DUSP22: variants seen among roughly 807,000 people sequenced by gnomAD.
DUSP22 encodes the protein dual specificity phosphatase 22, also known as dual specificity protein phosphatase 22.
A neutral mutation model predicts 24.5 loss-of-function variants in DUSP22; 24 were observed. The observed-to-expected ratio is 0.98, with a 90% CI of 0.71 to 1.38. The LOEUF is 1.38. Among genes scored for constraint, DUSP22 ranks in the 40% most tolerant of loss-of-function variants. The pLI is 0.00. For missense variants in DUSP22, 330 were observed against 269.2 expected (o/e 1.23, Z -1.58); for synonymous variants, 160 against 106.4 (o/e 1.50, Z -3.10).
At chr6:301,195 G>C (rs1259579686) in intron 1 of DUSP22, among the ~76,000 whole-genome samples, 26 of 152,274 alleles carry the variant, frequency 1.7e-4, no homozygotes, top group Non-Finnish European at 7.3e-5. Context: ...GGGTTTCAGA[G>C]ACTGGAAAAC....
chr6:329,449 G>A (rs922074914), intron 3 of DUSP22, among the ~76,000 whole-genome samples: 8 of 152,304 alleles, frequency 5.3e-5, no homozygotes, highest in Non-Finnish European at 7.3e-5. Flanking sequence ...AAATGGTTAC[G>A]ATGGTAAATC....
chr6:306,480 T>C (rs1190581095), intron 2 of DUSP22, among the ~76,000 whole-genome samples: 1 of 152,308 alleles, frequency 6.6e-6, no homozygotes, highest in Non-Finnish European at 1.5e-5. Flanking sequence ...TGTGGTTTCG[T>C]CTATGAGAGT....
intron 3 of DUSP22, among the ~76,000 whole-genome samples, chr6:321,013 G>A (rs560634766): frequency 6.6e-6 from 1 of 152,428 alleles, no homozygotes; most frequent in African/African-American, 2.4e-5. Context: ...AGAGGCAAGG[G>A]CCCTGGGCAC....
chr6:293,530 A>G (rs1485149933), intron 1 of DUSP22, among the ~76,000 whole-genome samples: 3 of 152,354 alleles, frequency 2.0e-5, no homozygotes, highest in Admixed American at 1.3e-4. Context: ...ACATCTCTAC[A>G]TGCCGTCAGC....
At chr6:344,511 A>G (rs1181170224) in intron 4 of DUSP22, among the ~76,000 whole-genome samples, 2 of 152,298 alleles carry the variant, frequency 1.3e-5, no homozygotes, top group Non-Finnish European at 2.9e-5. Flanking sequence ...GCTGGTCTCA[A>G]ATTCCTGAGC....
At position 350,325 on chromosome 6, in the gene DUSP22, C is replaced by T. The variant is rs548009167; in HGVS notation, c.*1374C>T. ...CTCTGGGGCTGCAGGCATCCTGGGA[C>T]GCTGTACGCAATTCAGTGGTCTAGT... is the stretch of plus-strand genomic sequence containing the variant. On this transcript the variant is annotated 3_prime_UTR_variant, in exon 7 of 7. Coordinates refer to ENST00000419235, the MANE Select transcript of DUSP22 (RefSeq NM_001286555.3). 3.3e-4 allele frequency: 328 copies of T among 1,003,318 alleles called. No individual in the cohort carries two copies. In the Middle Eastern group the frequency reaches 4.6e-3, roughly 14 times the overall value. 62.2% of individuals were successfully genotyped at this position (1,003,318 alleles called of 1,614,324 possible). A position where few individuals can be genotyped will look rare whatever the true frequency, so the allele number is the denominator to read the frequency against.
At chr6:340,128 G>A (rs1481025193) in intron 4 of DUSP22, among the ~76,000 whole-genome samples, 1 of 152,302 alleles carries the variant, frequency 6.6e-6, no homozygotes, top group Non-Finnish European at 1.5e-5. Flanking sequence ...GAGGCCCTTT[G>A]TTTTAGTTTG....
At chr6:329,918 C>T (rs903315640) in intron 3 of DUSP22, among the ~76,000 whole-genome samples, 1 of 149,154 alleles carries the variant, frequency 6.7e-6, no homozygotes, top group African/African-American at 2.4e-5. Flanking sequence ...GCTTTTAATT[C>T]TTTTTTTTTT....
chr6:323,922 TTGTC>T (rs1487356061), intron 3 of DUSP22, among the ~76,000 whole-genome samples: 1 of 152,310 alleles, frequency 6.6e-6, no homozygotes, highest in Non-Finnish European at 1.5e-5. Context: ...CTTTACATGA[TTGTC>T]AGTGAGAGCA....
chr6:349,304 T>G lies in DUSP22; in HGVS notation c.*353T>G. ...GTGCACCTAAGTGTGTACATGTGTG[T>G]ATGTTGTGAAAGTGTCTGTGCACAT... On this transcript the variant is annotated 3_prime_UTR_variant, in exon 7 of 7. Coordinates refer to ENST00000419235, the MANE Select transcript of DUSP22 (RefSeq NM_001286555.3). 1 of 1,198,208 alleles carries G rather than the reference T, an allele frequency of 8.3e-7. No individual in the cohort carries two copies. Among genetic ancestry groups the G allele is most frequent in the Non-Finnish European group, 1.0e-6 (1 of 958,954 alleles). The allele number at this position is 1,198,208 out of a possible 1,614,324, so 74.2% of individuals were successfully genotyped here. A position where few individuals can be genotyped will look rare whatever the true frequency, so the allele number is the denominator to read the frequency against.
intron 4 of DUSP22, 110 bp downstream of exon 4, chr6:335,273 G>C (rs1361601368): frequency 1.5e-6 from 2 of 1,370,388 alleles, no homozygotes; most frequent in Non-Finnish European, 1.0e-6. Context: ...CGGGACCCTT[G>C]CTGACCCTGC....
intron 2 of DUSP22, among the ~76,000 whole-genome samples, chr6:309,685 C>T (rs1443615355): frequency 1.9e-4 from 10 of 51,968 alleles, no homozygotes; most frequent in African/African-American, 4.7e-4. Context: ...GTAGAACACA[C>T]ACACACACAC....
In DUSP22 at chr6:311,914, G is replaced by T. The variant is rs750414524; in HGVS notation, c.90G>T (p.Lys30Asn). The change falls in exon 3 of 7, where the codon AAG (lysine) becomes AAT (asparagine). Residue 30 changes from lysine (K) to asparagine (N), a missense_variant. Physicochemically the swap from Lys to Asn is moderately conservative, Grantham distance 94 (BLOSUM62 0). Coordinates refer to ENST00000419235, the MANE Select transcript of DUSP22 (RefSeq NM_001286555.3). ...ACGCGGAACAATTGAGCAAGAACAA[G>T]GTGACACATATTCTGTCTGTCCACG... The part of the protein sequence containing the change: ...ARDAEQLSKN[K>N]VTHILSVHDS... The T allele has an allele frequency of 1.9e-6, 3 of 1,612,658 alleles. No individual in the cohort carries two copies. The African/African-American group carries it at 4.0e-5, about 22-fold the overall frequency.
chr6:340,872 G>A lies in DUSP22; in HGVS notation c.189-4982G>A, dbSNP rs561374319. Among the ~76,000 whole-genome samples, 4 of 152,426 alleles carry A rather than the reference G, an allele frequency of 2.6e-5. No individual in the cohort carries two copies. In the South Asian group the frequency reaches 8.3e-4, roughly 32 times the overall value. On this transcript the variant is annotated intron_variant, in intron 4 of 6. Transcript: ENST00000419235. The stretch of plus-strand genomic sequence containing the variant: ...TGAGGCCTCCAAATCTTGCAGTCCT[G>A]GAGTGAGAAGTAGTTGTTCAGCCTC...
intron 3 of DUSP22, among the ~76,000 whole-genome samples, chr6:321,845 G>A (rs937485869): frequency 2.6e-4 from 39 of 152,296 alleles, no homozygotes; most frequent in Admixed American, 7.8e-4. Context: ...ATGCCTGAGG[G>A]TACAGCTAAT....
At chr6:302,332 A>G (rs1757618649) in intron 1 of DUSP22, among the ~76,000 whole-genome samples, 3 of 152,306 alleles carry the variant, frequency 2.0e-5, no homozygotes, top group Non-Finnish European at 4.4e-5. Flanking sequence ...GCCAGTGGCC[A>G]CAGTGTCTGC....
intron 3 of DUSP22, among the ~76,000 whole-genome samples, chr6:330,779 C>G (rs1759104551): frequency 6.6e-6 from 1 of 152,308 alleles, no homozygotes; most frequent in Admixed American, 6.5e-5. Context: ...TCTTTCAAAA[C>G]CTAAACACAA....
chr6:304,630 C>T lies in DUSP22; in HGVS notation c.24C>T (p.Ile8=). The change falls in exon 2 of 7, where the codon ATC becomes ATT. Residue 8 remains isoleucine (I), a splice_region_variant and synonymous_variant. Coordinates refer to ENST00000419235, the MANE Select transcript of DUSP22 (RefSeq NM_001286555.3). ...GTCTGTGTCTGTCTCTCTCCTAGAT[C>T]CTGCCCGGCCTGTACATCGGCAACT... is the stretch of plus-strand genomic sequence containing the variant. MGNGMNK[I]LPGLYIGNFK... is the part of the protein sequence containing the mutation. 6.2e-7 allele frequency: 1 copy of T among 1,614,266 alleles called. No homozygotes were observed. Among genetic ancestry groups the T allele is most frequent in the Non-Finnish European group, 8.5e-7 (1 of 1,180,022 alleles).
intron 3 of DUSP22, among the ~76,000 whole-genome samples, chr6:316,196 A>G (rs1225770729): frequency 1.3e-5 from 2 of 152,302 alleles, no homozygotes; most frequent in Non-Finnish European, 2.9e-5. Flanking sequence ...TCTGTCAGCA[A>G]GTGGCAGGGC....
Sources: gnomAD v4.1 joint callset for allele counts (sites outside exome capture counted in the v4.1 genomes callset) on GRCh38, gnomAD v4.1.1 for gene constraint, MANE v1.5 for transcripts, NCBI Gene and HGNC (gene_info 2026-07-23, HGNC 2026-07-21) for gene names.